The following PAK5 variants were observed in gnomAD, a reference collection of about 807,000 sequenced individuals.
PAK5 encodes p21 (RAC1) activated kinase 5, also known as serine/threonine-protein kinase PAK 5.
Under a neutral mutation model 65.9 loss-of-function variants are expected in PAK5, and 16 were observed. The ratio of observed to expected loss-of-function variants is 0.24; its 90% CI spans 0.16 to 0.37. The LOEUF (loss-of-function observed/expected upper bound fraction) is 0.37, where lower values mean the gene tolerates loss of function less well. Among genes scored for constraint, PAK5 ranks in the 10% least tolerant of loss-of-function variants. The pLI is 1.00. For synonymous variants in PAK5, 371 were observed against 354.9 expected (o/e 1.05, Z -0.51); for missense variants, 785 against 903.9 (o/e 0.87, Z 1.69).
At chr20:9,571,883 G>GC (rs541952872) in intron 4 of PAK5, among the ~76,000 whole-genome samples, 9 of 137,880 alleles carry the variant, frequency 6.5e-5, no homozygotes, top group South Asian at 2.6e-4. Flanking sequence ...ATGGGGGGGG[G>GC]GGATGTGGTC....
chr20:9,808,550 G>T, intron 1 of PAK5, among the ~76,000 whole-genome samples: 1 of 152,132 alleles, frequency 6.6e-6, no homozygotes, highest in South Asian at 2.1e-4. Flanking sequence ...CCACAGAAAG[G>T]GATGAAATAC....
At chr20:9,822,290 CAA>C (rs34256527) in intron 1 of PAK5, among the ~76,000 whole-genome samples, 23,201 of 116,694 alleles carry the variant, frequency 0.2, 2,049 homozygotes, top group Admixed American at 0.32. Context: ...AGATCTGTCT[CAA>C]AAAAAAAAAA....
intron 2 of PAK5, among the ~76,000 whole-genome samples, chr20:9,700,020 A>T (rs1267728873): frequency 6.6e-6 from 1 of 152,162 alleles, no homozygotes; most frequent in Non-Finnish European, 1.5e-5. Flanking sequence ...CCAGTTTTTG[A>T]ACTCCTTATA....
intron 3 of PAK5, among the ~76,000 whole-genome samples, chr20:9,634,126 G>C (rs2046955784): frequency 6.6e-6 from 1 of 152,156 alleles, no homozygotes; most frequent in Non-Finnish European, 1.5e-5. Context: ...CCCAATTTTA[G>C]TTGGGACCCT....
chr20:9,820,658 C>A lies in PAK5; in HGVS notation c.-162+18104G>T, dbSNP rs1433869412. On this transcript the variant is annotated intron_variant, in intron 1 of 9. Coordinates refer to ENST00000353224, the MANE Select transcript of PAK5 (RefSeq NM_177990.4). The stretch of plus-strand genomic sequence containing the variant: ...TCCTGCCTCTTCCAGTCCAATGGGA[C>A]AAAGAAGGAGAACAAAACACACATA... 3.9e-5 allele frequency among the ~76,000 whole-genome samples: 6 copies of A among 152,222 alleles called. No individual in the cohort carries two copies. The South Asian group carries it at 6.2e-4, about 16-fold the overall frequency.
intron 1 of PAK5, among the ~76,000 whole-genome samples, chr20:9,765,443 A>AT (rs921713557): frequency 1.5e-4 from 23 of 149,186 alleles, no homozygotes; most frequent in Middle Eastern, 3.5e-3. Context: ...CCTAGCCTCC[A>AT]TTTTTTTTTT....
At chr20:9,721,733 T>C (rs895421757) in intron 1 of PAK5, among the ~76,000 whole-genome samples, 1 of 149,606 alleles carries the variant, frequency 6.7e-6, no homozygotes, top group Non-Finnish European at 1.5e-5. Flanking sequence ...TCATAGTTTT[T>C]GTGTGTGTGT....
chr20:9,621,781 C>T (rs2046773000), intron 3 of PAK5, among the ~76,000 whole-genome samples: 2 of 152,160 alleles, frequency 1.3e-5, no homozygotes, highest in Non-Finnish European at 2.9e-5. Flanking sequence ...GCAGCGGGGC[C>T]TGCGGTGTTA....
rs1250002082 is a variant in PAK5, at chr20:9,580,408, T to C, written c.727A>G (p.Ser243Gly). The C allele has an allele frequency of 3.7e-6, 6 of 1,614,110 alleles. No homozygotes were observed. The highest frequency in any genetic ancestry group is 5.1e-6 in the Non-Finnish European group (6 of 1,180,022). ...QFTPSRTAGT[S>G]GCSKESLAYS... is the part of the protein sequence containing the mutation. ...GCCAGGCTCTCCTTGGAGCACCCGC[T>C]GGTCCCTGCAGTTCTAGAAGGTGTG... The change falls in exon 4 of 10, where the codon AGC (serine) becomes GGC (glycine). Residue 243 changes from serine to glycine, a missense_variant. This residue lies in a region of PAK5 where 422 missense variants were observed against 413.3 expected (regional missense o/e 1.02). Coordinates refer to ENST00000353224, the MANE Select transcript of PAK5 (RefSeq NM_177990.4).
intron 2 of PAK5, among the ~76,000 whole-genome samples, chr20:9,706,482 T>C (rs1009379742): frequency 1.3e-5 from 2 of 151,024 alleles, no homozygotes; most frequent in African/African-American, 4.9e-5. Context: ...TTTTTTTTTT[T>C]TTTTTTCTTT....
At chr20:9,663,710 G>A (rs965087365) in intron 2 of PAK5, among the ~76,000 whole-genome samples, 3 of 152,114 alleles carry the variant, frequency 2.0e-5, no homozygotes, top group Admixed American at 1.3e-4. Flanking sequence ...CTGAGCTCTC[G>A]AGTAAAGGTA....
At chr20:9,549,483 T>C (rs1269452063) in intron 7 of PAK5, among the ~76,000 whole-genome samples, 2 of 152,150 alleles carry the variant, frequency 1.3e-5, no homozygotes, top group Non-Finnish European at 2.9e-5. Flanking sequence ...TGATGGGGGA[T>C]AGCCTAAGGA....
intron 1 of PAK5, among the ~76,000 whole-genome samples, chr20:9,791,544 T>C (rs1443802665): frequency 6.6e-6 from 1 of 152,064 alleles, no homozygotes; most frequent in Non-Finnish European, 1.5e-5. Context: ...CTCTGATGAC[T>C]TTTCTCTGAC....
intron 2 of PAK5, among the ~76,000 whole-genome samples, chr20:9,660,864 A>G (rs1431597425): frequency 6.6e-6 from 1 of 152,102 alleles, no homozygotes; most frequent in Non-Finnish European, 1.5e-5. Flanking sequence ...CAGAGATGGA[A>G]CAGGAAGTCA....
At position 9,582,281 on chromosome 20, in the gene PAK5, C is replaced by T. The variant is rs186556197; in HGVS notation, c.205-1351G>A. 5.9e-5 allele frequency among the ~76,000 whole-genome samples: 9 copies of T among 152,192 alleles called. No homozygotes were observed. The East Asian group carries it at 7.7e-4, about 13-fold the overall frequency. On this transcript the variant is annotated intron_variant, in intron 3 of 9. Coordinates refer to ENST00000353224, the MANE Select transcript of PAK5 (RefSeq NM_177990.4). ...CATTACATTTATTTGTTATATCTTC[C>T]GAGTTTCCTCTGATCTGTGACAGTT...
intron 4 of PAK5, among the ~76,000 whole-genome samples, chr20:9,573,663 G>GA (rs1223605763): frequency 6.6e-6 from 1 of 151,942 alleles, no homozygotes; most frequent in Non-Finnish European, 1.5e-5. Context: ...AGAAGAGAAG[G>GA]AAAAAACAGT....
rs771214175 is a variant in PAK5, at chr20:9,566,213, G to A, written c.1162C>T (p.Leu388=). 6.2e-7 allele frequency: 1 copy of A among 1,613,790 alleles called. No homozygotes were observed. Among genetic ancestry groups the A allele is most frequent in the South Asian group, 1.1e-5 (1 of 91,084 alleles). ...HKATLYHHPS[L]QSSSQYISTA... is the part of the protein sequence containing the mutation. Reference sequence around the variant, plus strand: ...GAGATGTACTGCGAACTGCTCTGCAGGGAGGGGTGATGGTACAAGGTGGCT... The same window carrying A: ...GAGATGTACTGCGAACTGCTCTGCAAGGAGGGGTGATGGTACAAGGTGGCT... Residue 388 remains leucine (L), a synonymous_variant, in exon 5 of 10, where the codon CTG becomes TTG. Transcript: ENST00000353224.
intron 2 of PAK5, among the ~76,000 whole-genome samples, chr20:9,691,260 G>A (rs539515122): frequency 1.3e-5 from 2 of 152,148 alleles, no homozygotes; most frequent in African/African-American, 4.8e-5. Flanking sequence ...AACCCATAGA[G>A]TCCCAACAGA....
chr20:9,558,353 G>T (rs1237619389), intron 6 of PAK5, among the ~76,000 whole-genome samples: 1 of 151,862 alleles, frequency 6.6e-6, no homozygotes, highest in Non-Finnish European at 1.5e-5. Context: ...GACCTCAGGT[G>T]ATCCACCCGC....
Sources: allele counts gnomAD v4.1 joint callset (sites outside exome capture counted in the v4.1 genomes callset), GRCh38; gene constraint gnomAD v4.1.1; regional missense constraint gnomAD v4.1.1; transcripts MANE v1.5; gene names NCBI Gene and HGNC (gene_info 2026-07-23, HGNC 2026-07-21).